The following ARHGEF38 variants were observed in gnomAD, a reference collection of about 807,000 sequenced individuals.
ARHGEF38 encodes Rho guanine nucleotide exchange factor 38, also known as Rho guanine nucleotide exchange factor (GEF) 38.
In ARHGEF38, 79 loss-of-function variants were observed where a neutral mutation model predicts 79.9. That is an observed-to-expected ratio of 0.99 (90% CI 0.82 to 1.19). ARHGEF38 has a LOEUF of 1.19. Among genes scored for constraint, ARHGEF38 ranks in the 50% most tolerant of loss-of-function variants. The probability of loss-of-function intolerance (pLI) is 0.00; values close to 1 mark genes in which losing one functional copy is unlikely to be tolerated. For missense variants in ARHGEF38, 962 were observed against 907.2 expected (o/e 1.06, Z -0.78); for synonymous variants, 366 against 328.3 (o/e 1.11, Z -1.24).
chr4:105,558,854 A>T (rs1283860739), intron 1 of ARHGEF38, among the ~76,000 whole-genome samples: 1 of 151,906 alleles, frequency 6.6e-6, no homozygotes, highest in Admixed American at 6.6e-5. Context: ...GGTTTATCAA[A>T]ATGAGACATC....
intron 1 of ARHGEF38, among the ~76,000 whole-genome samples, chr4:105,558,504 G>A (rs921790580): frequency 6.6e-6 from 1 of 152,186 alleles, no homozygotes; most frequent in African/African-American, 2.4e-5. Context: ...ACAAACAGGT[G>A]TGTGTCATAG....
Position 105,679,805 on chromosome 4 carries a change from C to G in ARHGEF38, c.*1868C>G. ...TGTCTGTCCAGCTTTACCCACGCAT[C>G]CAGAGAGATGGATATAGGACTCAAT... On this transcript the variant is annotated 3_prime_UTR_variant, in exon 14 of 14. Transcript: ENST00000420470. 8.6e-7 allele frequency: 1 copy of G among 1,158,688 alleles called. No individual in the cohort carries two copies. Among genetic ancestry groups the G allele is most frequent in the East Asian group, 2.3e-5 (1 of 42,626 alleles). The allele number at this position is 1,158,688 out of a possible 1,614,324, so 71.8% of individuals were successfully genotyped here. A position where few individuals can be genotyped will look rare whatever the true frequency, so the allele number is the denominator to read the frequency against.
intron 2 of ARHGEF38, among the ~76,000 whole-genome samples, chr4:105,612,073 A>T (rs1329331897): frequency 6.6e-6 from 1 of 152,118 alleles, no homozygotes; most frequent in Non-Finnish European, 1.5e-5. Flanking sequence ...CAATGACAGA[A>T]TATCCTTACC....
At chr4:105,640,886 T>C (rs949472366) in intron 5 of ARHGEF38, among the ~76,000 whole-genome samples, 6 of 152,148 alleles carry the variant, frequency 3.9e-5, no homozygotes, top group Non-Finnish European at 7.3e-5. Flanking sequence ...TGTGCTTATT[T>C]CTTTTTCTGA....
chr4:105,665,402 C>T (rs1199686916), intron 10 of ARHGEF38, among the ~76,000 whole-genome samples: 3 of 151,792 alleles, frequency 2.0e-5, no homozygotes, highest in African/African-American at 7.3e-5. Context: ...GAGGCTGAGG[C>T]AGGAGAATCA....
chr4:105,677,771 CT>C lies in ARHGEF38; in HGVS notation c.2172del (p.Gln725LysfsTer24). ...VDEQIFYAVH[A>X]FQARSDHELS... The stretch of plus-strand genomic sequence containing the variant: ...GTCTAGATTTTCTATGCAGTTCATG[CT>C]TTTCAAGCACGGAGTGACCATGAAC... On this transcript the variant is annotated frameshift_variant, in exon 14 of 14. Transcript: ENST00000420470. LOFTEE classifies it high-confidence loss of function. The C allele has an allele frequency of 1.3e-6, 2 of 1,494,424 alleles. No individual in the cohort carries two copies. Among genetic ancestry groups the C allele is most frequent in the Non-Finnish European group, 8.9e-7 (1 of 1,120,608 alleles). 92.6% of individuals were successfully genotyped at this position (1,494,424 alleles called of 1,614,324 possible). A position where few individuals can be genotyped will look rare whatever the true frequency, so the allele number is the denominator to read the frequency against.
chr4:105,638,208 A>G (rs548822577), intron 5 of ARHGEF38, among the ~76,000 whole-genome samples: 1 of 152,250 alleles, frequency 6.6e-6, no homozygotes, highest in South Asian at 2.1e-4. Flanking sequence ...ATCAAAAATT[A>G]TCCGTTTTTT....
At chr4:105,674,175 T>C (rs1731046540) in intron 13 of ARHGEF38, among the ~76,000 whole-genome samples, 1 of 152,146 alleles carries the variant, frequency 6.6e-6, no homozygotes, top group East Asian at 1.9e-4. Flanking sequence ...CTAGTGGTTA[T>C]AAGCAGTGGG....
intron 2 of ARHGEF38, among the ~76,000 whole-genome samples, 174 bp downstream of exon 2, chr4:105,589,609 G>A (rs949510376): frequency 2.6e-5 from 4 of 152,058 alleles, no homozygotes; most frequent in African/African-American, 9.7e-5. Flanking sequence ...CTGCCCTTGT[G>A]GAGTTCACTT....
chr4:105,570,692 C>T (rs1726180416), intron 1 of ARHGEF38, among the ~76,000 whole-genome samples: 1 of 152,172 alleles, frequency 6.6e-6, no homozygotes, highest in Non-Finnish European at 1.5e-5. Flanking sequence ...TTACCTCCCA[C>T]CAGGTCCCTC....
intron 2 of ARHGEF38, among the ~76,000 whole-genome samples, chr4:105,596,258 C>G (rs556177531): frequency 6.6e-6 from 1 of 152,050 alleles, no homozygotes; most frequent in African/African-American, 2.4e-5. Flanking sequence ...TAGGGAAACA[C>G]AAAAGAGAGG....
At chr4:105,630,814 A>G (rs1729152976) in intron 3 of ARHGEF38, 84 bp from the exon 4 acceptor site, 2 of 1,253,164 alleles carry the variant, frequency 1.6e-6, no homozygotes, top group East Asian at 2.6e-5. Flanking sequence ...AGTTTTTGAC[A>G]CGAGTCGACA....
intron 1 of ARHGEF38, among the ~76,000 whole-genome samples, chr4:105,558,639 A>G (rs1258067981): frequency 1.3e-5 from 2 of 151,426 alleles, no homozygotes; most frequent in African/African-American, 4.8e-5. Flanking sequence ...CAGTAGAGAC[A>G]TCTTGCAGTT....
intron 13 of ARHGEF38, 33 bp from the exon 14 acceptor site, chr4:105,677,719 A>G: frequency 7.2e-7 from 1 of 1,379,704 alleles, no homozygotes. Flanking sequence ...TTCAGGTTCC[A>G]ATTCCAATAA....
chr4:105,630,197 TCTGTAGCACAGC>T (rs1729123521), intron 3 of ARHGEF38, among the ~76,000 whole-genome samples: 2 of 151,980 alleles, frequency 1.3e-5, no homozygotes, highest in South Asian at 4.1e-4. Context: ...AAAGTGCCAG[TCTGTAGCACAGC>T]CTGACTCAAA....
At chr4:105,634,419 C>A (rs1431080538) in intron 4 of ARHGEF38, among the ~76,000 whole-genome samples, 4 of 152,074 alleles carry the variant, frequency 2.6e-5, no homozygotes, top group Non-Finnish European at 5.9e-5. Flanking sequence ...TTTTGACAGT[C>A]AAATTAGTGA....
At chr4:105,651,202 A>T (rs1730089335) in intron 7 of ARHGEF38, among the ~76,000 whole-genome samples, 1 of 152,242 alleles carries the variant, frequency 6.6e-6, no homozygotes, top group South Asian at 2.1e-4. Flanking sequence ...GCCTGAAGGG[A>T]TATTAATTAG....
intron 1 of ARHGEF38, among the ~76,000 whole-genome samples, chr4:105,581,799 G>T (rs1287778172): frequency 6.6e-6 from 1 of 151,818 alleles, no homozygotes; most frequent in African/African-American, 2.4e-5. Context: ...ATATAATTAT[G>T]CTATCAATTT....
intron 1 of ARHGEF38, among the ~76,000 whole-genome samples, chr4:105,587,525 A>G (rs1010595641): frequency 1.3e-5 from 2 of 152,018 alleles, no homozygotes; most frequent in African/African-American, 4.8e-5. Context: ...CAGTGGCACG[A>G]TCTCGGCTCA....
Sources: gnomAD v4.1 joint callset for allele counts (sites outside exome capture counted in the v4.1 genomes callset) on GRCh38, gnomAD v4.1.1 for gene constraint, MANE v1.5 for transcripts, NCBI Gene and HGNC (gene_info 2026-07-23, HGNC 2026-07-21) for gene names.